RBFOX1: variants seen among roughly 807,000 people sequenced by gnomAD.
RBFOX1 encodes the protein RNA binding fox-1 homolog 1.
Under a neutral mutation model 57.7 loss-of-function variants are expected in RBFOX1, and 8 were observed. The ratio of observed to expected loss-of-function variants is 0.14; its 90% confidence interval spans 0.08 to 0.25. The LOEUF (loss-of-function observed/expected upper bound fraction) is 0.25, where lower values mean the gene tolerates loss of function less well. RBFOX1 is among the 10% of genes least tolerant of loss of function. The probability of loss-of-function intolerance (pLI) is 1.00; values close to 1 mark genes in which losing one functional copy is unlikely to be tolerated. For missense variants in RBFOX1, 611 were observed against 548.5 expected, an observed-to-expected ratio of 1.11 and a Z score of -1.14; for synonymous variants, 326 against 222.4, an observed-to-expected ratio of 1.47 and a Z score of -4.15.
intron 2 of RBFOX1, among the ~76,000 whole-genome samples, chr16:6,531,046 A>G (rs2096650833): frequency 1.3e-5 from 2 of 152,146 alleles, no homozygotes; most frequent in South Asian, 2.1e-4. Flanking sequence ...GCCTCTTGAA[A>G]TGTACTAGCA....
chr16:6,949,600 C>A (rs1598147707), intron 3 of RBFOX1, among the ~76,000 whole-genome samples: 1 of 151,948 alleles, frequency 6.6e-6, no homozygotes, highest in Admixed American at 6.6e-5. Flanking sequence ...TGCCTACGTG[C>A]ATCTTGGATA....
chr16:5,643,903 T>G (rs1458485809), intron 3 of RBFOX1, among the ~76,000 whole-genome samples: 2 of 152,250 alleles, frequency 1.3e-5, no homozygotes, highest in East Asian at 3.8e-4. Flanking sequence ...TAAAAATCTT[T>G]TCTTTCCCTC....
At chr16:6,495,072 C>T (rs1219637575) in intron 2 of RBFOX1, among the ~76,000 whole-genome samples, 1 of 152,080 alleles carries the variant, frequency 6.6e-6, no homozygotes, top group Non-Finnish European at 1.5e-5. Flanking sequence ...GCTGGAGAAC[C>T]CCGCATTTTA....
intron 1 of RBFOX1, among the ~76,000 whole-genome samples, chr16:6,231,525 TA>T (rs2097460231): frequency 6.6e-6 from 1 of 152,170 alleles, no homozygotes; most frequent in Admixed American, 6.6e-5. Flanking sequence ...ATGTTGGCAT[TA>T]ACGCTAATTT....
chr16:6,656,940 CCCCTT>C (rs1294184524), intron 3 of RBFOX1, among the ~76,000 whole-genome samples: 488 of 70,310 alleles, frequency 6.9e-3, no homozygotes, highest in East Asian at 9.8e-3. Flanking sequence ...CCCCTCTCCT[CCCCTT>C]TCCTCTCCTC....
At chr16:5,966,080 CTT>C (rs2059838323) in intron 4 of RBFOX1, among the ~76,000 whole-genome samples, 1 of 152,114 alleles carries the variant, frequency 6.6e-6, no homozygotes. Context: ...ATTCCTAACT[CTT>C]TTTTCAGATG....
At chr16:6,613,548 A>G (rs1422090723) in intron 2 of RBFOX1, among the ~76,000 whole-genome samples, 1 of 152,188 alleles carries the variant, frequency 6.6e-6, no homozygotes, top group African/African-American at 2.4e-5. Flanking sequence ...TGTTTACAAA[A>G]TGCTATGGAA....
chr16:5,625,534 T>TATTTA (rs764734485), intron 3 of RBFOX1, among the ~76,000 whole-genome samples: 2 of 81,408 alleles, frequency 2.5e-5, no homozygotes. Flanking sequence ...TAATATTTTT[T>TATTTA]GTTATTTATT....
At position 5,592,023 on chromosome 16, in the gene RBFOX1, T is replaced by C. The variant is rs139126207; in HGVS notation, c.259-6879T>C. ...TATTCAAATTTCTTCTTTGTCAGTC[T>C]CCGTAAAAAATAATATATTGCCTTA... On this transcript the variant is annotated intron_variant, in intron 2 of 2. Coordinates refer to the RBFOX1 transcript ENST00000585867. Among the ~76,000 whole-genome samples, 11 of 152,376 alleles carry C rather than the reference T, an allele frequency of 7.2e-5. No homozygotes were observed. The East Asian group carries it at 2.1e-3, about 29-fold the overall frequency.
intron 3 of RBFOX1, among the ~76,000 whole-genome samples, chr16:6,808,178 G>GTGTGTGTGTGTGTATATA (rs1318609964): frequency 1.4e-5 from 2 of 145,542 alleles, no homozygotes; most frequent in African/African-American, 5.2e-5. Flanking sequence ...GTGTGTGTGT[G>GTGTGTGTGTGTGTATATA]TATATATATA....
chr16:5,266,654 C>G (rs1246243259), intron 1 of RBFOX1, among the ~76,000 whole-genome samples: 2 of 149,448 alleles, frequency 1.3e-5, no homozygotes, highest in Non-Finnish European at 3.0e-5. Context: ...CTCAAGGAGT[C>G]CTCCCACCTC....
intron 4 of RBFOX1, among the ~76,000 whole-genome samples, chr16:5,897,801 A>T (rs2058204242): frequency 6.6e-6 from 1 of 150,770 alleles, no homozygotes; most frequent in African/African-American, 2.4e-5. Flanking sequence ...CAGCCAATAA[A>T]TCATACCTTC....
chr16:7,405,935 A>T (rs1056546320), intron 4 of RBFOX1, among the ~76,000 whole-genome samples: 2 of 152,148 alleles, frequency 1.3e-5, no homozygotes, highest in African/African-American at 4.8e-5. Flanking sequence ...TTTAGTTGTC[A>T]CGACTGGGCA....
chr16:5,574,373 A>G (rs1015426540), intron 2 of RBFOX1, among the ~76,000 whole-genome samples: 4 of 151,342 alleles, frequency 2.6e-5, no homozygotes, highest in African/African-American at 9.7e-5. Context: ...GCCTTGCCAC[A>G]TCTCAATAAC....
intron 1 of RBFOX1, among the ~76,000 whole-genome samples, chr16:6,178,774 T>C (rs112651977): frequency 7.2e-5 from 11 of 152,316 alleles, no homozygotes; most frequent in African/African-American, 2.4e-4. Flanking sequence ...TGTTTACTTA[T>C]GTAACTCTCA....
chr16:6,708,659 C>G (rs921016259), intron 3 of RBFOX1, among the ~76,000 whole-genome samples: 5 of 152,224 alleles, frequency 3.3e-5, no homozygotes, highest in Non-Finnish European at 7.3e-5. Context: ...TATGCATTCA[C>G]TTAATTTCCA....
At chr16:5,735,041 G>A (rs1017199515) in intron 3 of RBFOX1, among the ~76,000 whole-genome samples, 7 of 152,208 alleles carry the variant, frequency 4.6e-5, no homozygotes, top group Admixed American at 6.5e-5. Context: ...AGAAGTATGT[G>A]AAGTCCACAG....
chr16:7,677,691 G>C (rs2073750906), intron 14 of RBFOX1, among the ~76,000 whole-genome samples: 1 of 152,206 alleles, frequency 6.6e-6, no homozygotes. Flanking sequence ...TGAATGTTCA[G>C]ATGCTCTGCA....
chr16:7,418,844 G>A (rs1211777160), intron 4 of RBFOX1, among the ~76,000 whole-genome samples: 1 of 151,364 alleles, frequency 6.6e-6, no homozygotes, highest in Non-Finnish European at 1.5e-5. Flanking sequence ...TCCTCTAAAG[G>A]AAGGCATTGA....
Sources: allele counts gnomAD v4.1 joint callset (sites outside exome capture counted in the v4.1 genomes callset), GRCh38; gene constraint gnomAD v4.1.1; transcripts MANE v1.5; gene names NCBI Gene and HGNC (gene_info 2026-07-23, HGNC 2026-07-21).